Variants in PPM1D observed in about 807,000 individuals in gnomAD.
PPM1D encodes protein phosphatase, Mg2+/Mn2+ dependent 1D, also known as protein phosphatase 1D.
PPM1D carries 52 observed loss-of-function variants against 58.3 expected under a neutral mutation model. The observed-to-expected ratio is 0.89, with a 90% CI of 0.71 to 1.12. The LOEUF is 1.12. PPM1D is among the 50% of genes most tolerant of loss of function. The pLI is 0.00. For missense variants in PPM1D, 564 were observed against 777.2 expected (o/e 0.73, Z 3.26); for synonymous variants, 278 against 285.1 (o/e 0.98, Z 0.25).
At chr17:60,632,087 G>A (rs914279448) in intron 2 of PPM1D, among the ~76,000 whole-genome samples, 2 of 151,890 alleles carry the variant, frequency 1.3e-5, no homozygotes, top group African/African-American at 2.4e-5. Context: ...CCAGCTACTC[G>A]GGAGGCTGAG....
At chr17:60,612,980 T>A (rs932951058) in intron 1 of PPM1D, among the ~76,000 whole-genome samples, 4 of 152,178 alleles carry the variant, frequency 2.6e-5, no homozygotes, top group African/African-American at 9.7e-5. Flanking sequence ...TGGAGTAGAG[T>A]CTCATTGTTG....
At chr17:60,634,477 A>G (rs1346144050) in intron 3 of PPM1D, among the ~76,000 whole-genome samples, 1 of 152,122 alleles carries the variant, frequency 6.6e-6, no homozygotes, top group East Asian at 1.9e-4. Flanking sequence ...GTCACGTTCA[A>G]TGTTTTGCTA....
intron 2 of PPM1D, among the ~76,000 whole-genome samples, chr17:60,630,141 C>G (rs555708681): frequency 1.3e-5 from 2 of 152,046 alleles, no homozygotes; most frequent in East Asian, 3.9e-4. Context: ...AGTTTGAGAC[C>G]AACCTGTTCA....
intron 1 of PPM1D, among the ~76,000 whole-genome samples, chr17:60,619,902 G>C (rs1486627048): frequency 6.6e-6 from 1 of 152,054 alleles, no homozygotes; most frequent in African/African-American, 2.4e-5. Context: ...TTGAGCTTCT[G>C]TTCATATACT....
chr17:60,633,006 G>T (rs1339577188), intron 2 of PPM1D, among the ~76,000 whole-genome samples: 1 of 151,712 alleles, frequency 6.6e-6, no homozygotes, highest in Non-Finnish European at 1.5e-5. Flanking sequence ...AACTGGCTGG[G>T]CACGGTGGCT....
intron 3 of PPM1D, among the ~76,000 whole-genome samples, chr17:60,643,518 C>A (rs1489196888): frequency 6.6e-6 from 1 of 152,126 alleles, no homozygotes. Flanking sequence ...ATAATTGATT[C>A]ATTCAGGAAT....
chr17:60,641,462 A>C (rs1041010441), intron 3 of PPM1D, among the ~76,000 whole-genome samples: 1 of 152,122 alleles, frequency 6.6e-6, no homozygotes, highest in Non-Finnish European at 1.5e-5. Context: ...TGAATTGTTT[A>C]AGTTCTTTAC....
At position 60,600,276 on chromosome 17, in the gene PPM1D, C is replaced by G. The variant is rs991340237; in HGVS notation, c.-139C>G. 2.1e-6 allele frequency: 3 copies of G among 1,424,556 alleles called. No homozygotes were observed. Among genetic ancestry groups the G allele is most frequent in the African/African-American group, 1.5e-5 (1 of 67,412 alleles). 88.2% of individuals were successfully genotyped at this position (1,424,556 alleles called of 1,614,324 possible). ...GGACAAGTCCAGACATCGCGCGCCC[C>G]CCCTTCTCCGGGTCCGCCCCCTCCC... On this transcript the variant is annotated 5_prime_UTR_variant, in exon 1 of 6. Transcript: ENST00000305921.
chr17:60,641,676 C>T (rs1452339193), intron 3 of PPM1D, among the ~76,000 whole-genome samples: 4 of 152,140 alleles, frequency 2.6e-5, no homozygotes, highest in East Asian at 1.9e-4. Flanking sequence ...TGTCCATCCA[C>T]GATTCTTACA....
chr17:60,652,719 A>G (rs923914098), intron 4 of PPM1D, among the ~76,000 whole-genome samples: 2 of 151,938 alleles, frequency 1.3e-5, no homozygotes, highest in Admixed American at 1.3e-4. Flanking sequence ...GAGTGAGATG[A>G]TACCTCATTG....
chr17:60,605,553 A>AT (rs148303205), intron 1 of PPM1D, among the ~76,000 whole-genome samples: 7,213 of 152,236 alleles, frequency 0.047, 602 homozygotes, highest in African/African-American at 0.16. Context: ...ACTTTCTTCC[A>AT]TTTTTTAATT....
At position 60,605,821 on chromosome 17, in the gene PPM1D, C is replaced by T. The variant is rs536764221; in HGVS notation, c.472+4935C>T. On this transcript the variant is annotated intron_variant, in intron 1 of 5. Coordinates refer to ENST00000305921, the MANE Select transcript of PPM1D (RefSeq NM_003620.4). ...TGGGGAGGCTGAGGTGGGAGAATTGCTTGAACCTGGGAGGCAGAGGTTGCA... is the reference window on the plus strand; with the variant it reads ...TGGGGAGGCTGAGGTGGGAGAATTGTTTGAACCTGGGAGGCAGAGGTTGCA... Among the ~76,000 whole-genome samples, 20 of 152,252 alleles carry T rather than the reference C, an allele frequency of 1.3e-4. 1 individual carries two copies. In the East Asian group the frequency reaches 3.5e-3, roughly 26 times the overall value.
rs1486488567 is a variant in PPM1D, at chr17:60,656,609, G to T, written c.1028G>T (p.Gly343Val). The T allele has an allele frequency of 1.2e-6, 2 of 1,614,140 alleles. No individual in the cohort carries two copies. The highest frequency in any genetic ancestry group is 1.7e-6 in the Non-Finnish European group (2 of 1,179,986). The stretch of plus-strand genomic sequence containing the variant: ...TTCTTTTGAATACAGGGTGAGCATG[G>T]ACAATCTTGTGCCAAAATGCTTGTG... ...EEKKYLMGEH[G>V]QSCAKMLVNR... Residue 343 changes from glycine (G) to valine (V), a missense_variant, in exon 5 of 6, where the codon GGA (glycine) becomes GTA (valine). Physicochemically the swap from Gly to Val is moderately radical, Grantham distance 109. Transcript: ENST00000305921.
At chr17:60,631,936 T>C (rs1480453988) in intron 2 of PPM1D, among the ~76,000 whole-genome samples, 1 of 152,060 alleles carries the variant, frequency 6.6e-6, no homozygotes, top group Non-Finnish European at 1.5e-5. Flanking sequence ...CCCAGCACTT[T>C]GGGAGGCCGA....
At chr17:60,661,803 G>A (rs941227698) in intron 5 of PPM1D, among the ~76,000 whole-genome samples, 4 of 152,034 alleles carry the variant, frequency 2.6e-5, no homozygotes, top group African/African-American at 9.7e-5. Context: ...CTTTAATGTT[G>A]TACTTTGCTT....
chr17:60,606,003 A>G (rs1368495954), intron 1 of PPM1D, among the ~76,000 whole-genome samples: 3 of 152,232 alleles, frequency 2.0e-5, no homozygotes, highest in African/African-American at 7.2e-5. Context: ...CATCACCACT[A>G]TCAGTTTTCA....
At chr17:60,600,942 TA>T in intron 1 of PPM1D, 56 bp downstream of exon 1, 1 of 1,608,122 alleles carries the variant, frequency 6.2e-7, no homozygotes, top group Non-Finnish European at 8.5e-7. Flanking sequence ...TCAGGGCTTT[TA>T]TGGCACCAGC....
At chr17:60,617,541 G>GA in intron 1 of PPM1D, among the ~76,000 whole-genome samples, 1 of 148,420 alleles carries the variant, frequency 6.7e-6, no homozygotes, top group Non-Finnish European at 1.5e-5. Flanking sequence ...AACATATTGA[G>GA]ACCCTGTTGT....
At chr17:60,647,263 A>G (rs1377359902) in intron 3 of PPM1D, among the ~76,000 whole-genome samples, 2 of 152,202 alleles carry the variant, frequency 1.3e-5, no homozygotes, top group Admixed American at 6.5e-5. Flanking sequence ...ATGTTTCAAA[A>G]TAGAATCTAT....
Sources: gnomAD v4.1 joint callset for allele counts (sites outside exome capture counted in the v4.1 genomes callset) on GRCh38, gnomAD v4.1.1 for gene constraint, MANE v1.5 for transcripts, NCBI Gene and HGNC (gene_info 2026-07-23, HGNC 2026-07-21) for gene names.